ZNF667: variants seen among roughly 807,000 people sequenced by gnomAD.
The protein encoded by ZNF667 is myocardial ischemic preconditioning upregulated 1 ortholog.
Under a neutral mutation model 31.8 loss-of-function variants are expected in ZNF667, and 13 were observed. That is an observed-to-expected ratio of 0.41 (90% confidence interval 0.27 to 0.65). The LOEUF is 0.65. Among genes scored for constraint, ZNF667 ranks in the 30% least tolerant of loss-of-function variants. The probability of loss-of-function intolerance (pLI) is 0.32; values close to 1 mark genes in which losing one functional copy is unlikely to be tolerated. For synonymous variants in ZNF667, 228 were observed against 247.1 expected (o/e 0.92, Z 0.73); for missense variants, 642 against 725.6 (o/e 0.88, Z 1.32).
chr19:56,468,243 T>A (rs934725488), intron 3 of ZNF667: 1 of 152,306 alleles, frequency 6.6e-6, no homozygotes, highest in South Asian at 2.1e-4. Context: ...AAAAGAAAAT[T>A]CTTTTTGGAC....
chr19:56,469,846 T>C (rs2043248777), intron 3 of ZNF667: 2 of 439,892 alleles, frequency 4.5e-6, no homozygotes, highest in South Asian at 3.3e-5. Context: ...GCTAACTGAA[T>C]GACTGAATGG....
intron 3 of ZNF667, among the ~76,000 whole-genome samples, chr19:56,469,487 G>A (rs1182689599): frequency 6.6e-6 from 1 of 152,132 alleles, no homozygotes; most frequent in Non-Finnish European, 1.5e-5. Flanking sequence ...ACTTCTGGAG[G>A]GAGTTGTAAG....
At chr19:56,470,163 G>T (rs2043260100) in intron 3 of ZNF667, 2 of 394,882 alleles carry the variant, frequency 5.1e-6, no homozygotes, top group Admixed American at 5.4e-5. Context: ...GATGAGATGA[G>T]ATCATATCAG....
chr19:56,452,841 A>G (rs56342533), intron 6 of ZNF667, among the ~76,000 whole-genome samples: 6,628 of 151,968 alleles, frequency 0.044, 320 homozygotes, highest in African/African-American at 0.12. Context: ...AATTGCATGA[A>G]CATGGCAGTG....
chr19:56,458,041 C>T (rs975391413), intron 6 of ZNF667, 114 bp downstream of exon 6: 3 of 943,094 alleles, frequency 3.2e-6, no homozygotes, highest in Non-Finnish European at 5.0e-6. Flanking sequence ...GACTTCTCAG[C>T]CTCCAGAACT....
chr19:56,446,415 C>T (rs760476856), intron 6 of ZNF667, among the ~76,000 whole-genome samples: 54 of 152,082 alleles, frequency 3.6e-4, no homozygotes, highest in Non-Finnish European at 6.3e-4. Flanking sequence ...TGGAGTGAAA[C>T]CCCATCTGAA....
chr19:56,447,935 T>C (rs745892380), intron 6 of ZNF667, among the ~76,000 whole-genome samples: 20 of 151,974 alleles, frequency 1.3e-4, no homozygotes, highest in African/African-American at 4.1e-4. Flanking sequence ...GATGGCCAAA[T>C]AGAGCCCTCC....
intron 2 of ZNF667, chr19:56,473,114 G>A (rs754789729): frequency 1.3e-5 from 2 of 152,206 alleles, no homozygotes; most frequent in Non-Finnish European, 2.9e-5. Context: ...TGCACAATGA[G>A]AGACACACAA....
chr19:56,475,502 G>A (rs1037378713), intron 1 of ZNF667: 2 of 152,194 alleles, frequency 1.3e-5, no homozygotes, highest in African/African-American at 2.4e-5. Flanking sequence ...ATCTGACAGT[G>A]TCTGGAGACA....
intron 6 of ZNF667, among the ~76,000 whole-genome samples, chr19:56,456,550 T>A (rs896393103): frequency 6.6e-6 from 1 of 152,220 alleles, no homozygotes; most frequent in Admixed American, 6.5e-5. Flanking sequence ...GATATGACAA[T>A]TCTTCTGCAA....
At chr19:56,469,659 GC>G (rs1031261534) in intron 3 of ZNF667, among the ~76,000 whole-genome samples, 1 of 151,984 alleles carries the variant, frequency 6.6e-6, no homozygotes, top group African/African-American at 2.4e-5. Context: ...AATGCAAGCT[GC>G]CCCCCACCAC....
At chr19:56,456,473 C>G (rs1001817891) in intron 6 of ZNF667, among the ~76,000 whole-genome samples, 1 of 152,072 alleles carries the variant, frequency 6.6e-6, no homozygotes, top group African/African-American at 2.4e-5. Flanking sequence ...ATTGTGAGAC[C>G]TCGCAATTGT....
chr19:56,460,339 C>T (rs1329698630), intron 5 of ZNF667, among the ~76,000 whole-genome samples: 1 of 151,982 alleles, frequency 6.6e-6, no homozygotes, highest in Non-Finnish European at 1.5e-5. Flanking sequence ...TATGAAAGGC[C>T]CAGAGCAGGC....
chr19:56,462,633 A>G (rs2043071512), intron 3 of ZNF667, among the ~76,000 whole-genome samples: 1 of 152,116 alleles, frequency 6.6e-6, no homozygotes, highest in African/African-American at 2.4e-5. Context: ...TGTGCCTAAG[A>G]TCATAGCAGG....
chr19:56,448,922 T>C (rs2042761961), intron 6 of ZNF667, among the ~76,000 whole-genome samples: 2 of 152,042 alleles, frequency 1.3e-5, no homozygotes. Context: ...ATGGGAGTGT[T>C]TGTATCATCC....
At chr19:56,473,430 T>C (rs185810675) in intron 2 of ZNF667, among the ~76,000 whole-genome samples, 12 of 152,308 alleles carry the variant, frequency 7.9e-5, no homozygotes, top group South Asian at 2.1e-4. Flanking sequence ...CATCAGGAGA[T>C]TGGAAACAAC....
chr19:56,454,092 C>A (rs1174872459), intron 6 of ZNF667, among the ~76,000 whole-genome samples: 3 of 151,980 alleles, frequency 2.0e-5, no homozygotes, highest in Non-Finnish European at 4.4e-5. Flanking sequence ...ACAATAGCTA[C>A]AAATAAAATA....
intron 6 of ZNF667, 153 bp from the exon 7 acceptor site, chr19:56,442,894 AT>A (rs1340962256): frequency 1.9e-6 from 2 of 1,041,596 alleles, no homozygotes; most frequent in African/African-American, 3.2e-5. Flanking sequence ...TTTGATGACT[AT>A]ACTAAAGGCT....
At chr19:56,459,945 T>C (rs2043010043) in intron 5 of ZNF667, among the ~76,000 whole-genome samples, 1 of 151,976 alleles carries the variant, frequency 6.6e-6, no homozygotes, top group Non-Finnish European at 1.5e-5. Context: ...TGAGCTGAGA[T>C]TGCGCCACTG....
Sources: allele counts gnomAD v4.1 joint callset (sites outside exome capture counted in the v4.1 genomes callset), GRCh38; gene constraint gnomAD v4.1.1; transcripts MANE v1.5; gene names NCBI Gene and HGNC (gene_info 2026-07-23, HGNC 2026-07-21).